Variants in EIF4B observed in about 807,000 individuals in gnomAD.
The protein encoded by EIF4B is eukaryotic translation initiation factor 4B.
A neutral mutation model predicts 79.3 loss-of-function variants in EIF4B; 8 were observed. The ratio of observed to expected loss-of-function variants is 0.10; its 90% CI spans 0.06 to 0.18. EIF4B has a LOEUF of 0.18. Ranked by LOEUF, EIF4B falls within the 10% of genes least tolerant of loss-of-function variation. The probability of loss-of-function intolerance (pLI) is 1.00; values close to 1 mark genes in which losing one functional copy is unlikely to be tolerated. For missense variants in EIF4B, 515 were observed against 792.4 expected, an observed-to-expected ratio of 0.65 and a Z score of 4.20; for synonymous variants, 238 against 274.7, an observed-to-expected ratio of 0.87 and a Z score of 1.32.
intron 1 of EIF4B, among the ~76,000 whole-genome samples, chr12:53,011,845 C>T (rs1445333284): frequency 2.0e-5 from 3 of 152,096 alleles, no homozygotes; most frequent in Non-Finnish European, 4.4e-5. Context: ...ATAATTGGGA[C>T]AGGTTTTGTT....
chr12:53,036,586 T>A (rs978190981), intron 10 of EIF4B, among the ~76,000 whole-genome samples: 6 of 152,016 alleles, frequency 3.9e-5, no homozygotes, highest in Admixed American at 3.9e-4. Context: ...ATTTAAAAAA[T>A]TTGTTTTTTT....
In EIF4B at chr12:53,006,469, T is replaced by C. The variant is rs370029164; in HGVS notation, c.-15T>C. On this transcript the variant is annotated 5_prime_UTR_variant, in exon 1 of 15. Transcript: ENST00000262056. ...CCTCATCCGGGTCTTTTGCGTTCTCTTTCCCTCTCCCAACATGGCGGCCTC... is the reference window on the plus strand; with the variant it reads ...CCTCATCCGGGTCTTTTGCGTTCTCCTTCCCTCTCCCAACATGGCGGCCTC... 1.2e-6 allele frequency: 2 copies of C among 1,613,244 alleles called. No individual in the cohort carries two copies. The highest frequency in any genetic ancestry group is 1.7e-6 in the Non-Finnish European group (2 of 1,180,002).
At chr12:53,014,870 C>T (rs1269635754) in intron 1 of EIF4B, 1 of 152,106 alleles carries the variant, frequency 6.6e-6, no homozygotes, top group Non-Finnish European at 1.5e-5. Context: ...TGCTATCAGG[C>T]CAGTTCTGGA....
At chr12:53,019,170 G>A (rs968938524) in intron 3 of EIF4B, among the ~76,000 whole-genome samples, 164 bp downstream of exon 3, 3 of 152,234 alleles carry the variant, frequency 2.0e-5, no homozygotes, top group South Asian at 2.1e-4. Context: ...AGTCTGAGGC[G>A]GGTGGATCAT....
rs1477492846 is a variant in EIF4B at position 53,032,873 on chromosome 12, A to G, written c.980-933A>G. 3.3e-5 allele frequency among the ~76,000 whole-genome samples: 5 copies of G among 151,452 alleles called. No homozygotes were observed. The East Asian group carries it at 5.9e-4, about 18-fold the overall frequency. ...TTTAGTAGAGATGGGGTTTCTCCATATTGGTCAGGCTGGTCTCGAACTCCT... is the reference window on the plus strand; with the variant it reads ...TTTAGTAGAGATGGGGTTTCTCCATGTTGGTCAGGCTGGTCTCGAACTCCT... On this transcript the variant is annotated intron_variant, in intron 8 of 14. Coordinates refer to ENST00000262056, the MANE Select transcript of EIF4B (RefSeq NM_001417.7).
chr12:53,034,499 A>G (rs1367724919), intron 9 of EIF4B, 113 bp from the exon 10 acceptor site: 1 of 919,062 alleles, frequency 1.1e-6, no homozygotes, highest in Non-Finnish European at 1.7e-6. Context: ...ATAAATTTAT[A>G]TGCATATACA....
chr12:53,030,553 C>T (rs796130716), intron 8 of EIF4B, among the ~76,000 whole-genome samples: 16 of 150,406 alleles, frequency 1.1e-4, no homozygotes, highest in South Asian at 2.1e-4. Context: ...TCCCAAGTAG[C>T]TGGGCTTGCC....
Position 53,018,975 on chromosome 12 carries a change from A to T in EIF4B, c.329A>T (p.Glu110Val). 6.2e-7 allele frequency: 1 copy of T among 1,613,972 alleles called. No individual in the cohort carries two copies. Among genetic ancestry groups the T allele is most frequent in the Non-Finnish European group, 8.5e-7 (1 of 1,179,940 alleles). Residue 110 changes from glutamate (E) to valine (V), a missense_variant, in exon 3 of 15, where the codon GAG (glutamate) becomes GTG (valine). Coordinates refer to ENST00000262056, the MANE Select transcript of EIF4B (RefSeq NM_001417.7). ...LGNLPYDVTE[E>V]SIKEFFRGLN... ...AACCTACCCTATGATGTTACAGAAG[A>T]GTCAATTAAGGAATTCTTTCGAGGA... is the stretch of plus-strand genomic sequence containing the variant.
In EIF4B at chr12:53,034,599, A is replaced by C. The variant is rs1565592261; in HGVS notation, c.1209-13A>C. The stretch of plus-strand genomic sequence containing the variant: ...GCCAGGCATAATGTGTATTTTGTGA[A>C]TCTCTCGTACAGACACCCAAGCTGG... On this transcript the variant is annotated splice_polypyrimidine_tract_variant and intron_variant, in intron 9 of 14. Transcript: ENST00000262056. 6.2e-7 allele frequency: 1 copy of C among 1,613,928 alleles called. No homozygotes were observed. Among genetic ancestry groups the C allele is most frequent in the South Asian group, 1.1e-5 (1 of 91,068 alleles).
intron 8 of EIF4B, among the ~76,000 whole-genome samples, chr12:53,029,372 A>AT (rs1240569005): frequency 1.4e-4 from 11 of 81,058 alleles, no homozygotes; most frequent in African/African-American, 2.6e-4. Flanking sequence ...TCCTTTTTTT[A>AT]TTTTATTTTT....
In EIF4B at chr12:53,027,783, G is replaced by C. The variant is rs369087598; in HGVS notation, c.669G>C (p.Lys223Asn). The change falls in exon 7 of 15, where the codon AAG becomes AAC. Residue 223 changes from lysine (K) to asparagine (N), a missense_variant and splice_region_variant. Physicochemically the swap from Lys to Asn is moderately conservative, Grantham distance 94 (BLOSUM62 0). Coordinates refer to ENST00000262056, the MANE Select transcript of EIF4B (RefSeq NM_001417.7). The stretch of plus-strand genomic sequence containing the variant: ...GTGTTACTTGTCTGTTTCCTCTAGA[G>C]TATCGAGATCGTTATGATTCAGACC... ...PRRGDDSFGD[K>N]YRDRYDSDRY... 6.2e-7 allele frequency: 1 copy of C among 1,612,774 alleles called. No homozygotes were observed. The highest frequency in any genetic ancestry group is 8.5e-7 in the Non-Finnish European group (1 of 1,179,906).
chr12:53,008,772 C>G (rs556829911), intron 1 of EIF4B: 5 of 152,376 alleles, frequency 3.3e-5, no homozygotes, highest in African/African-American at 1.2e-4. Flanking sequence ...CGCGGTGGCT[C>G]ACGCCTGTAA....
At position 53,017,619 on chromosome 12, in the gene EIF4B, C is replaced by CA. The variant is rs577625160; in HGVS notation, c.151+1010dup. Among the ~76,000 whole-genome samples the CA allele has an allele frequency of 4.6e-3, 698 of 152,120 alleles. 5 individuals are homozygous for CA. The highest frequency in any genetic ancestry group is 0.016 in the African/African-American group (644 of 41,500). ...TAAAAACAGGAAATTTTTTTTGAGA[C>CA]AGAGTCTCTATTGCCCAGGCTGGGG... On this transcript the variant is annotated intron_variant, in intron 2 of 14. Transcript: ENST00000262056.
intron 1 of EIF4B, among the ~76,000 whole-genome samples, chr12:53,008,377 T>C (rs962129453): frequency 6.6e-6 from 1 of 152,240 alleles, no homozygotes; most frequent in African/African-American, 2.4e-5. Context: ...TTTTAGCTGG[T>C]ACTGGTATCT....
In EIF4B at chr12:53,038,375, C is replaced by T. The variant is rs376636763; in HGVS notation, c.1540C>T (p.Pro514Ser). The change falls in exon 12 of 15, where the codon CCA becomes TCA. Residue 514 changes from proline to serine, a missense_variant. Physicochemically the swap from Pro to Ser is moderately conservative, Grantham distance 74 (BLOSUM62 -1). This residue lies in a region of EIF4B where 146 missense variants were observed against 228.0 expected (regional missense o/e 0.64). Transcript: ENST00000262056. ...SPTSGGGKVA[P>S]AQPSEEGPGR... ...TTCTAGTGGTGGGGGAAAAGTAGCT[C>T]CAGCTCAACCATCTGAGGAAGGACC... 9.4e-6 allele frequency: 15 copies of T among 1,599,312 alleles called. No homozygotes were observed. In the Admixed American group the frequency reaches 1.4e-4, roughly 15 times the overall value.
intron 6 of EIF4B, among the ~76,000 whole-genome samples, chr12:53,026,684 C>G (rs890423751): frequency 1.3e-5 from 2 of 152,170 alleles, no homozygotes; most frequent in Non-Finnish European, 2.9e-5. Flanking sequence ...TCATTGCAAC[C>G]TCTGCCTCCC....
intron 4 of EIF4B, among the ~76,000 whole-genome samples, chr12:53,020,855 G>A (rs1357187734): frequency 6.6e-6 from 1 of 152,036 alleles, no homozygotes; most frequent in Non-Finnish European, 1.5e-5. Context: ...ACTCTTACTG[G>A]ATTATTTTTA....
chr12:53,037,712 TTG>T (rs757455899), intron 11 of EIF4B, 90 bp downstream of exon 11: 24 of 1,373,784 alleles, frequency 1.7e-5, no homozygotes, highest in Non-Finnish European at 2.4e-5. Flanking sequence ...GATGCCAGCG[TTG>T]TATAGCACCT....
At chr12:53,007,422 T>A (rs1347626730) in intron 1 of EIF4B, among the ~76,000 whole-genome samples, 1 of 33,876 alleles carries the variant, frequency 3.0e-5, no homozygotes, top group Non-Finnish European at 4.2e-4. Flanking sequence ...ATTTCAGCCT[T>A]TTTTTTTTTT....
Sources: gnomAD v4.1 joint callset for allele counts (sites outside exome capture counted in the v4.1 genomes callset) on GRCh38, gnomAD v4.1.1 for gene constraint, gnomAD v4.1.1 regional missense constraint, MANE v1.5 for transcripts, NCBI Gene and HGNC (gene_info 2026-07-23, HGNC 2026-07-21) for gene names.